Variants in NR3C2 observed in about 807,000 individuals in gnomAD.
NR3C2 encodes the protein mineralocorticoid receptor.
Under a neutral mutation model 86.4 loss-of-function variants are expected in NR3C2, and 15 were observed. That is an observed-to-expected ratio of 0.17 (90% confidence interval 0.12 to 0.27). The LOEUF (loss-of-function observed/expected upper bound fraction) is 0.27, where lower values mean the gene tolerates loss of function less well. NR3C2 is among the 10% of genes least tolerant of loss of function. The pLI is 1.00. For missense variants in NR3C2, 960 were observed against 1,195.6 expected, an observed-to-expected ratio of 0.80 and a Z score of 2.91; for synonymous variants, 458 against 450.5, an observed-to-expected ratio of 1.02 and a Z score of -0.21.
chr4:148,417,500 A>G (rs1211834328), intron 2 of NR3C2, among the ~76,000 whole-genome samples: 1 of 152,214 alleles, frequency 6.6e-6, no homozygotes, highest in East Asian at 1.9e-4. Context: ...TTGATACTAT[A>G]GATGGTTTTA....
Position 148,353,767 on chromosome 4 carries a change from G to A in NR3C2, c.1757+81337C>T, listed in dbSNP as rs371604339. On this transcript the variant is annotated intron_variant, in intron 2 of 8. Transcript: ENST00000358102. ...CTCTCTGTATGTGAGTCATATTAGA[G>A]GATCTAATATCATTCTTCTTACTGA... Among the ~76,000 whole-genome samples the A allele has an allele frequency of 1.1e-3, 172 of 152,192 alleles. 1 individual carries two copies. The highest frequency in any genetic ancestry group is 3.9e-3 in the African/African-American group (162 of 41,520).
chr4:148,414,256 G>T (rs879206), intron 2 of NR3C2, among the ~76,000 whole-genome samples: 38,725 of 152,044 alleles, frequency 0.25, 6,592 homozygotes, highest in African/African-American at 0.49. Context: ...AGAAAATACA[G>T]ATGACATTCT....
At chr4:148,415,299 G>A (rs1748937218) in intron 2 of NR3C2, among the ~76,000 whole-genome samples, 1 of 152,214 alleles carries the variant, frequency 6.6e-6, no homozygotes, top group South Asian at 2.1e-4. Context: ...CAGGAGGAAA[G>A]ATCATTAATA....
intron 6 of NR3C2, among the ~76,000 whole-genome samples, chr4:148,139,560 T>G (rs932513263): frequency 6.6e-6 from 1 of 152,170 alleles, no homozygotes; most frequent in Non-Finnish European, 1.5e-5. Context: ...CCACTGCTTC[T>G]GTTGAAGTGA....
chr4:148,220,152 T>C (rs1454054657), intron 3 of NR3C2, among the ~76,000 whole-genome samples: 2 of 151,932 alleles, frequency 1.3e-5, no homozygotes, highest in African/African-American at 4.8e-5. Flanking sequence ...AGTGGTGCAA[T>C]CATTGCTCAC....
chr4:148,134,992 T>C (rs1733231875), intron 6 of NR3C2, among the ~76,000 whole-genome samples: 1 of 151,888 alleles, frequency 6.6e-6, no homozygotes, highest in Admixed American at 6.6e-5. Flanking sequence ...ACTGGGCTCT[T>C]GGCAATCTTG....
At chr4:148,194,929 C>T (rs568815940) in intron 3 of NR3C2, 67 bp from the exon 4 acceptor site, 1 of 1,118,096 alleles carries the variant, frequency 8.9e-7, no homozygotes, top group African/African-American at 1.5e-5. Context: ...AATATGTATA[C>T]TCAGAATATA....
intron 4 of NR3C2, among the ~76,000 whole-genome samples, chr4:148,164,386 T>C (rs938894480): frequency 1.3e-5 from 2 of 152,226 alleles, no homozygotes; most frequent in Admixed American, 1.3e-4. Flanking sequence ...TGGTAACTTC[T>C]TCAGACAAAT....
chr4:148,362,192 C>T (rs1353235540), intron 2 of NR3C2, among the ~76,000 whole-genome samples: 2 of 152,234 alleles, frequency 1.3e-5, no homozygotes, highest in South Asian at 2.1e-4. Context: ...TGGCGTATCC[C>T]AAGATTTCAG....
chr4:148,085,722 C>G (rs1730782362), intron 8 of NR3C2, among the ~76,000 whole-genome samples: 1 of 151,776 alleles, frequency 6.6e-6, no homozygotes, highest in South Asian at 2.1e-4. Context: ...TTGAAAAGAT[C>G]AACAAAATAG....
intron 4 of NR3C2, among the ~76,000 whole-genome samples, chr4:148,176,074 G>C (rs1317333937): frequency 6.6e-6 from 1 of 152,154 alleles, no homozygotes; most frequent in Non-Finnish European, 1.5e-5. Flanking sequence ...AGTTTCTGGG[G>C]GGAAACAGTA....
At chr4:148,349,036 CAAGA>C (rs1023504881) in intron 2 of NR3C2, among the ~76,000 whole-genome samples, 2 of 152,074 alleles carry the variant, frequency 1.3e-5, no homozygotes, top group Non-Finnish European at 2.9e-5. Context: ...TAAAATAACT[CAAGA>C]AAGAAAATGA....
intron 2 of NR3C2, among the ~76,000 whole-genome samples, chr4:148,368,800 G>C (rs1020483055): frequency 2.0e-5 from 3 of 152,198 alleles, no homozygotes; most frequent in African/African-American, 4.8e-5. Flanking sequence ...GGAGACCCCA[G>C]AAAGCGGTTA....
chr4:148,155,591 C>G (rs1368978814), intron 4 of NR3C2, among the ~76,000 whole-genome samples: 1 of 152,094 alleles, frequency 6.6e-6, no homozygotes, highest in African/African-American at 2.4e-5. Context: ...GAACTACAAA[C>G]CACTGCTCAA....
At chr4:148,216,746 C>T (rs1379451120) in intron 3 of NR3C2, among the ~76,000 whole-genome samples, 2 of 152,174 alleles carry the variant, frequency 1.3e-5, no homozygotes, top group East Asian at 3.8e-4. Flanking sequence ...CAGATCTTTG[C>T]TTTGTTGACT....
At position 148,323,184 on chromosome 4, in the gene NR3C2, G is replaced by T. The variant is rs959149978; in HGVS notation, c.1758-63067C>A. ...CTGCTGGGGGGTGCCTCCCAGTTAG[G>T]CTGCTCGGGGGTCAGGGGTCAGGGA... On this transcript the variant is annotated intron_variant, in intron 2 of 8. Coordinates refer to ENST00000358102, the MANE Select transcript of NR3C2 (RefSeq NM_000901.5). Among the ~76,000 whole-genome samples the T allele has an allele frequency of 2.0e-4, 28 of 138,998 alleles. No individual in the cohort carries two copies. In the East Asian group the frequency reaches 5.7e-3, roughly 28 times the overall value. 91.2% of individuals were successfully genotyped at this position (138,998 alleles called of 152,430 possible).
At chr4:148,241,419 A>G (rs1362376882) in intron 3 of NR3C2, among the ~76,000 whole-genome samples, 1 of 150,546 alleles carries the variant, frequency 6.6e-6, no homozygotes, top group Non-Finnish European at 1.5e-5. Context: ...CCCAACTCTA[A>G]TGGCACACTT....
chr4:148,296,900 T>C lies in NR3C2; in HGVS notation c.1758-36783A>G, dbSNP rs183883339. ...TAGTATATAAATAAGGAAAACACTT[T>C]CTTTGTTTTACAATAAAAGACCAGA... is the stretch of plus-strand genomic sequence containing the variant. On this transcript the variant is annotated intron_variant, in intron 2 of 8. Coordinates refer to ENST00000358102, the MANE Select transcript of NR3C2 (RefSeq NM_000901.5). Among the ~76,000 whole-genome samples the C allele has an allele frequency of 5.9e-5, 9 of 152,340 alleles. No individual in the cohort carries two copies. The East Asian group carries it at 9.6e-4, about 16-fold the overall frequency.
chr4:148,256,446 CTTTATAA>C (rs1340414535), intron 3 of NR3C2, among the ~76,000 whole-genome samples: 2 of 152,202 alleles, frequency 1.3e-5, no homozygotes, highest in African/African-American at 2.4e-5. Context: ...TTTGGTGCTA[CTTTATAA>C]TTTATAAAAT....
Sources: allele counts gnomAD v4.1 joint callset (sites outside exome capture counted in the v4.1 genomes callset), GRCh38; gene constraint gnomAD v4.1.1; transcripts MANE v1.5; gene names NCBI Gene and HGNC (gene_info 2026-07-23, HGNC 2026-07-21).